Variants in TNFSF4 observed in about 807,000 individuals in gnomAD.
TNFSF4 encodes the protein TNF superfamily member 4, also known as tumor necrosis factor ligand superfamily member 4.
In TNFSF4, 4 loss-of-function variants were observed where a neutral mutation model predicts 7.3. The ratio of observed to expected loss-of-function variants is 0.55; its 90% confidence interval spans 0.27 to 1.25. The LOEUF is 1.25. Among genes scored for constraint, TNFSF4 ranks in the 50% most tolerant of loss-of-function variants. The pLI, the probability that TNFSF4 is intolerant of heterozygous loss-of-function variation, is 0.12. For synonymous variants in TNFSF4, 76 were observed against 83.7 expected, an observed-to-expected ratio of 0.91 and a Z score of 0.50; for missense variants, 181 against 208.8, an observed-to-expected ratio of 0.87 and a Z score of 0.82.
the TNFSF4 span, among the ~76,000 whole-genome samples, chr1:173,402,755 G>A: frequency 8.5e-5 from 13 of 152,240 alleles, no homozygotes; most frequent in Non-Finnish European, 1.5e-4. Flanking sequence ...AAAGTAGCCA[G>A]TGGCTTTCAA....
At chr1:173,237,365 A>G in the TNFSF4 span, among the ~76,000 whole-genome samples, 1 of 152,198 alleles carries the variant, frequency 6.6e-6, no homozygotes. Flanking sequence ...ATAAAATTCA[A>G]CGTCCAAGGA....
At chr1:173,423,711 C>T in the TNFSF4 span, among the ~76,000 whole-genome samples, 7 of 152,216 alleles carry the variant, frequency 4.6e-5, no homozygotes, top group Admixed American at 1.3e-4. Flanking sequence ...TACAAAGACA[C>T]GGAAGCAAAG....
the TNFSF4 span, among the ~76,000 whole-genome samples, chr1:173,326,161 A>C: frequency 2.6e-5 from 4 of 152,378 alleles, no homozygotes; most frequent in Admixed American, 2.0e-4. Flanking sequence ...CAAAAAGCTT[A>C]TCCACCATGA....
the TNFSF4 span, among the ~76,000 whole-genome samples, chr1:173,268,929 A>G: frequency 6.6e-6 from 1 of 152,238 alleles, no homozygotes; most frequent in Middle Eastern, 3.4e-3. Context: ...TTGAAATCTT[A>G]AGTGGTGCTG....
At chr1:173,298,737 G>GT in the TNFSF4 span, among the ~76,000 whole-genome samples, 46 of 152,012 alleles carry the variant, frequency 3.0e-4, no homozygotes, top group Admixed American at 7.9e-4. Context: ...CAACAACCCT[G>GT]TGGAAGAGTC....
the TNFSF4 span, among the ~76,000 whole-genome samples, chr1:173,288,792 A>G: frequency 6.6e-6 from 1 of 152,134 alleles, no homozygotes; most frequent in Non-Finnish European, 1.5e-5. Context: ...CTTTAAAACT[A>G]AACAATAATA....
the TNFSF4 span, among the ~76,000 whole-genome samples, chr1:173,349,833 A>G: frequency 6.6e-6 from 1 of 152,240 alleles, no homozygotes; most frequent in Non-Finnish European, 1.5e-5. Flanking sequence ...AAAAGGATGT[A>G]AGTTTAAACC....
chr1:173,352,974 TA>T, the TNFSF4 span, among the ~76,000 whole-genome samples: 1 of 152,198 alleles, frequency 6.6e-6, no homozygotes, highest in Non-Finnish European at 1.5e-5. Context: ...TTTTTGGCAA[TA>T]AGAGAAATAT....
downstream of TNFSF4, among the ~76,000 whole-genome samples, chr1:173,179,498 G>C (rs1404809553): frequency 6.6e-6 from 1 of 152,144 alleles, no homozygotes; most frequent in Non-Finnish European, 1.5e-5. Flanking sequence ...TTGTCGACTT[G>C]ACATCTATAC....
chr1:173,423,511 T>A, the TNFSF4 span, among the ~76,000 whole-genome samples: 1 of 152,138 alleles, frequency 6.6e-6, no homozygotes, highest in Non-Finnish European at 1.5e-5. Flanking sequence ...GTAGCAACTG[T>A]CAGCCTGTGT....
At chr1:173,356,981 T>C in the TNFSF4 span, among the ~76,000 whole-genome samples, 5 of 152,188 alleles carry the variant, frequency 3.3e-5, no homozygotes, top group South Asian at 4.1e-4. Context: ...GATGATAAGA[T>C]AGCTGGGGAC....
the TNFSF4 span, among the ~76,000 whole-genome samples, chr1:173,449,177 A>G: frequency 6.6e-6 from 1 of 152,062 alleles, no homozygotes; most frequent in Admixed American, 6.6e-5. Flanking sequence ...TGCTCTCACC[A>G]TGTGGTGTTC....
At chr1:173,311,111 G>A in the TNFSF4 span, among the ~76,000 whole-genome samples, 4 of 151,860 alleles carry the variant, frequency 2.6e-5, no homozygotes, top group Admixed American at 1.3e-4. Flanking sequence ...TACTTTTAAT[G>A]TTGTTAGTGA....
the TNFSF4 span, among the ~76,000 whole-genome samples, chr1:173,309,814 T>C: frequency 1.3e-5 from 2 of 152,070 alleles, no homozygotes; most frequent in Middle Eastern, 3.4e-3. Context: ...GACCTGAAAT[T>C]TTTTAATGAA....
chr1:173,204,301 A>G (rs1033628033), intron 1 of TNFSF4, among the ~76,000 whole-genome samples: 4 of 152,224 alleles, frequency 2.6e-5, no homozygotes, highest in Non-Finnish European at 4.4e-5. Context: ...CATAATACAG[A>G]TTATAAAAAT....
the TNFSF4 span, among the ~76,000 whole-genome samples, chr1:173,252,910 GCAGGATAAGTTT>G: frequency 6.6e-6 from 1 of 152,182 alleles, no homozygotes; most frequent in African/African-American, 2.4e-5. Flanking sequence ...CTTCCTTCTA[GCAGGATAAGTTT>G]CAGAACTTCC....
chr1:173,346,138 G>A, the TNFSF4 span, among the ~76,000 whole-genome samples: 1 of 152,150 alleles, frequency 6.6e-6, no homozygotes, highest in Non-Finnish European at 1.5e-5. Flanking sequence ...TTAGCTCAAA[G>A]TCACCACTGA....
the TNFSF4 span, among the ~76,000 whole-genome samples, chr1:173,419,068 T>TG: frequency 6.6e-6 from 1 of 152,146 alleles, no homozygotes; most frequent in East Asian, 1.9e-4. Context: ...GGCCGGGTGC[T>TG]GTGGCTCACG....
At chr1:173,342,487 C>G in the TNFSF4 span, among the ~76,000 whole-genome samples, 1 of 151,574 alleles carries the variant, frequency 6.6e-6, no homozygotes, top group Admixed American at 6.6e-5. Context: ...TCCTTTTTGA[C>G]AAAACCACAA....
Sources: gnomAD v4.1 joint callset for allele counts (sites outside exome capture counted in the v4.1 genomes callset) on GRCh38, gnomAD v4.1.1 for gene constraint, MANE v1.5 for transcripts, NCBI Gene and HGNC (gene_info 2026-07-23, HGNC 2026-07-21) for gene names.